Variants in MTUS2 observed in about 807,000 individuals in gnomAD.
MTUS2 encodes the protein microtubule associated scaffold protein 2.
Under a neutral mutation model 114.1 loss-of-function variants are expected in MTUS2, and 40 were observed. The observed-to-expected ratio is 0.35, with a 90% CI of 0.27 to 0.46. The LOEUF (loss-of-function observed/expected upper bound fraction) is 0.46. Ranked by LOEUF, MTUS2 falls within the 20% of genes least tolerant of loss-of-function variation. The pLI is 1.00. For synonymous variants in MTUS2, 688 were observed against 672.0 expected (o/e 1.02, Z -0.37); for missense variants, 1,679 against 1,705.4 (o/e 0.98, Z 0.27).
At chr13:29,177,480 G>T (rs755702966) in intron 5 of MTUS2, among the ~76,000 whole-genome samples, 9 of 144,912 alleles carry the variant, frequency 6.2e-5, no homozygotes, top group Non-Finnish European at 1.2e-4. Context: ...GATCCAAATG[G>T]GCAGACATTT....
chr13:29,449,985 T>C (rs192993793), intron 9 of MTUS2, among the ~76,000 whole-genome samples: 433 of 152,278 alleles, frequency 2.8e-3, no homozygotes, highest in African/African-American at 9.7e-3. Flanking sequence ...GGACCCAGGC[T>C]CCTTACAGCC....
intron 5 of MTUS2, among the ~76,000 whole-genome samples, chr13:29,104,846 G>A (rs1890587784): frequency 6.6e-6 from 1 of 152,124 alleles, no homozygotes; most frequent in Non-Finnish European, 1.5e-5. Flanking sequence ...TCTGACCCAG[G>A]ATGTGGCTCC....
intron 5 of MTUS2, among the ~76,000 whole-genome samples, chr13:29,131,162 A>G (rs1244429302): frequency 1.3e-5 from 2 of 152,196 alleles, no homozygotes; most frequent in South Asian, 2.1e-4. Context: ...TGAACAGAGA[A>G]GCATCATGAT....
chr13:28,985,689 G>A (rs555159604), intron 2 of MTUS2, among the ~76,000 whole-genome samples: 20 of 152,104 alleles, frequency 1.3e-4, no homozygotes, highest in African/African-American at 4.6e-4. Context: ...CACGATGCCC[G>A]GATATGTGGT....
intron 5 of MTUS2, among the ~76,000 whole-genome samples, chr13:29,257,583 G>A (rs1277664069): frequency 6.6e-6 from 1 of 152,152 alleles, no homozygotes; most frequent in East Asian, 1.9e-4. Flanking sequence ...CTTAAAAGGA[G>A]TTTGGATTTT....
intron 7 of MTUS2, among the ~76,000 whole-genome samples, chr13:29,352,165 AT>A (rs1869346423): frequency 6.6e-6 from 1 of 152,176 alleles, no homozygotes; most frequent in African/African-American, 2.4e-5. Context: ...TTAAATCCTA[AT>A]TTGGTGAATC....
intron 4 of MTUS2, among the ~76,000 whole-genome samples, chr13:29,068,926 T>C (rs995221536): frequency 6.6e-6 from 1 of 152,120 alleles, no homozygotes; most frequent in Non-Finnish European, 1.5e-5. Flanking sequence ...ATCCTCCTTC[T>C]TTTTTAGAAA....
chr13:28,884,660 G>C (rs755824487), intron 2 of MTUS2, among the ~76,000 whole-genome samples: 3 of 152,150 alleles, frequency 2.0e-5, no homozygotes, highest in Non-Finnish European at 4.4e-5. Flanking sequence ...AGTGAAATCT[G>C]AATGAAGTTT....
At chr13:29,288,294 A>G (rs1233827337) in intron 6 of MTUS2, among the ~76,000 whole-genome samples, 1 of 152,194 alleles carries the variant, frequency 6.6e-6, no homozygotes, top group African/African-American at 2.4e-5. Flanking sequence ...GGTAACTGCG[A>G]TTGCCACCTT....
At chr13:29,200,368 C>T (rs564417046) in intron 5 of MTUS2, among the ~76,000 whole-genome samples, 13 of 152,060 alleles carry the variant, frequency 8.5e-5, no homozygotes, top group African/African-American at 3.1e-4. Context: ...TTAGCTGTGT[C>T]CCAGAGATTC....
In MTUS2 at chr13:29,275,057, G is replaced by T. The variant is rs116144082; in HGVS notation, c.2645-6647G>T. Among the ~76,000 whole-genome samples, 1,211 of 152,194 alleles carry T rather than the reference G, an allele frequency of 8.0e-3. 11 individuals carry two copies. The highest frequency in any genetic ancestry group is 0.027 in the Middle Eastern group (8 of 294). On this transcript the variant is annotated intron_variant, in intron 5 of 15. Transcript: ENST00000612955. Reference sequence around the variant, plus strand: ...CCTATAAAAATTCTTTATATATTTTGTATACCAGACCGTTATCAGATATGA... The same window carrying T: ...CCTATAAAAATTCTTTATATATTTTTTATACCAGACCGTTATCAGATATGA...
At chr13:28,984,683 T>A (rs892924106) in intron 2 of MTUS2, among the ~76,000 whole-genome samples, 3 of 152,250 alleles carry the variant, frequency 2.0e-5, no homozygotes, top group African/African-American at 7.2e-5. Context: ...TCCTCAATAC[T>A]TTCTATAAAA....
At chr13:29,016,120 G>C (rs541409103) in intron 2 of MTUS2, among the ~76,000 whole-genome samples, 1 of 152,116 alleles carries the variant, frequency 6.6e-6, no homozygotes, top group Non-Finnish European at 1.5e-5. Context: ...TGTCAGGCTG[G>C]TCTCAAATTC....
intron 2 of MTUS2, among the ~76,000 whole-genome samples, chr13:28,911,845 G>GTTTTTTTTTTTTTTTTTTTTTTTTATT (rs202187530): frequency 9.6e-6 from 1 of 103,828 alleles, no homozygotes; most frequent in African/African-American, 3.8e-5. Context: ...ACTTTTTAAT[G>GTTTTTTTTTTTTTTTTTTTTTTTTATT]TTTTTTTTTT....
chr13:29,057,192 T>G (rs1352227250), intron 4 of MTUS2, among the ~76,000 whole-genome samples: 1 of 152,142 alleles, frequency 6.6e-6, no homozygotes, highest in Non-Finnish European at 1.5e-5. Context: ...TTTTAAAAAT[T>G]TGCTGAAGAT....
At chr13:29,370,156 C>T (rs1441659543) in intron 8 of MTUS2, among the ~76,000 whole-genome samples, 1 of 151,828 alleles carries the variant, frequency 6.6e-6, no homozygotes, top group East Asian at 1.9e-4. Flanking sequence ...TTGAGACCAG[C>T]CTGGGCAACA....
At chr13:29,342,189 A>G (rs1901435468) in intron 7 of MTUS2, among the ~76,000 whole-genome samples, 1 of 152,130 alleles carries the variant, frequency 6.6e-6, no homozygotes, top group Admixed American at 6.5e-5. Context: ...TCTGTGAAGA[A>G]TGATGGTGGT....
chr13:29,308,311 T>G (rs1342378414), intron 6 of MTUS2, among the ~76,000 whole-genome samples: 1 of 152,206 alleles, frequency 6.6e-6, no homozygotes, highest in African/African-American at 2.4e-5. Flanking sequence ...GGGGAAAGGA[T>G]TCCCTATTTA....
chr13:28,997,430 G>A (rs976102174), intron 2 of MTUS2, among the ~76,000 whole-genome samples: 10 of 152,226 alleles, frequency 6.6e-5, no homozygotes, highest in Middle Eastern at 3.4e-3. Context: ...GCTGAGTTCA[G>A]TTCCTGGATA....
Sources: gnomAD v4.1 joint callset for allele counts (sites outside exome capture counted in the v4.1 genomes callset) on GRCh38, gnomAD v4.1.1 for gene constraint, MANE v1.5 for transcripts, NCBI Gene and HGNC (gene_info 2026-07-23, HGNC 2026-07-21) for gene names.